Variants in CHAT observed in about 807,000 individuals in gnomAD.
The protein encoded by CHAT is acetyl CoA:choline O-acetyltransferase.
In CHAT, 61 loss-of-function variants were observed where a neutral mutation model predicts 76.9. That is an observed-to-expected ratio of 0.79 (90% confidence interval 0.65 to 0.98). The LOEUF is 0.98. Among genes scored for constraint, CHAT ranks in the 50% least tolerant of loss-of-function variants. The pLI, the probability that CHAT is intolerant of heterozygous loss-of-function variation, is 0.00. For synonymous variants in CHAT, 407 were observed against 397.4 expected (o/e 1.02, Z -0.29); for missense variants, 946 against 986.9 (o/e 0.96, Z 0.56).
At chr10:49,645,568 G>C (rs1177659513) in intron 7 of CHAT, among the ~76,000 whole-genome samples, 1 of 152,288 alleles carries the variant, frequency 6.6e-6, no homozygotes, top group African/African-American at 2.4e-5. Context: ...GCCCCCAACA[G>C]GTCCTGCCGG....
At position 49,616,594 on chromosome 10, in the gene CHAT, G is replaced by A. The variant is rs777374223; in HGVS notation, c.379G>A (p.Glu127Lys). The change falls in exon 2 of 15, where the codon GAG becomes AAG. Residue 127 changes from glutamate to lysine, a missense_variant. By Grantham distance (56) the Glu-to-Lys change is moderately conservative (BLOSUM62 1). This residue lies in a region of CHAT where 548 missense variants were observed against 516.2 expected (regional missense o/e 1.06). Coordinates refer to ENST00000337653, the MANE Select transcript of CHAT (RefSeq NM_020549.5). ...RKMAAKTPSSEESGLPKLPVP... is the reference protein window; with the variant it reads ...RKMAAKTPSSKESGLPKLPVP... ...GATGGCAGCAAAAACTCCCAGCAGT[G>A]AGGAGTCTGTGAGTGACTTTTGGAG... 1 of 1,607,698 alleles carries A rather than the reference G, an allele frequency of 6.2e-7. No homozygotes were observed. Among genetic ancestry groups the A allele is most frequent in the South Asian group, 1.1e-5 (1 of 90,104 alleles).
At chr10:49,651,852 C>A (rs1247601478) in intron 10 of CHAT, 32 bp from the exon 11 acceptor site, 1 of 1,604,720 alleles carries the variant, frequency 6.2e-7, no homozygotes. Flanking sequence ...GTTTTGCATG[C>A]AATAAAAACA....
chr10:49,636,452 G>A (rs968895432), intron 7 of CHAT, among the ~76,000 whole-genome samples: 1 of 151,976 alleles, frequency 6.6e-6, no homozygotes, highest in Non-Finnish European at 1.5e-5. Flanking sequence ...TATTTGTGAG[G>A]GCCACTGGTC....
chr10:49,664,484 T>C (rs1241345719), intron 14 of CHAT, among the ~76,000 whole-genome samples: 2 of 152,102 alleles, frequency 1.3e-5, no homozygotes, highest in Non-Finnish European at 2.9e-5. Context: ...GGCCCCCAGG[T>C]GAAGTGGAGA....
At chr10:49,648,643 A>G in intron 9 of CHAT, 36 bp downstream of exon 9, 1 of 1,451,150 alleles carries the variant, frequency 6.9e-7, no homozygotes, top group Non-Finnish European at 9.6e-7. Flanking sequence ...TGCTGGGCCC[A>G]AAAAAATGTG....
Position 49,622,108 on chromosome 10 carries a change from G to T in CHAT, c.710G>T (p.Ser237Ile), listed in dbSNP as rs1213730456. ...CCTTCTCCCTGCAGGTTTGCAGCCA[G>T]CCTCATCTCTGGTGTACTCAGCTAC... is the stretch of plus-strand genomic sequence containing the variant. Reference protein sequence around the residue: ...GTDDQLRFAASLISGVLSYKA... With the variant: ...GTDDQLRFAAILISGVLSYKA... Residue 237 changes from serine to isoleucine, a missense_variant, in exon 5 of 15, where the codon AGC becomes ATC. Transcript: ENST00000337653. The T allele has an allele frequency of 6.2e-7, 1 of 1,612,490 alleles. No individual in the cohort carries two copies. Among genetic ancestry groups the T allele is most frequent in the African/African-American group, 1.3e-5 (1 of 74,522 alleles).
At chr10:49,655,361 C>A (rs778319298) in intron 12 of CHAT, 25 bp from the exon 13 acceptor site, 1 of 1,613,844 alleles carries the variant, frequency 6.2e-7, no homozygotes, top group South Asian at 1.1e-5. Context: ...TTAAACCCCG[C>A]GCTGCCTCTG....
chr10:49,622,050 A>AGATGGAAGGAAGAGGGAGGG (rs1838746998), intron 4 of CHAT, 47 bp from the exon 5 acceptor site: 1 of 1,607,008 alleles, frequency 6.2e-7, no homozygotes, highest in Non-Finnish European at 8.5e-7. Flanking sequence ...GGGAGGGAGG[A>AGATGGAAGGAAGAGGGAGGG]AGCCAGGCCC....
intron 7 of CHAT, among the ~76,000 whole-genome samples, chr10:49,633,117 A>G (rs1374654000): frequency 6.6e-6 from 1 of 152,224 alleles, no homozygotes; most frequent in Non-Finnish European, 1.5e-5. Flanking sequence ...AGGTGTGCTG[A>G]GGCCAGTGTG....
At chr10:49,662,526 G>A (rs1840224005) in intron 13 of CHAT, 119 bp from the exon 14 acceptor site, 1 of 1,317,740 alleles carries the variant, frequency 7.6e-7, no homozygotes, top group East Asian at 2.3e-5. Context: ...AGCAGGCACT[G>A]GGTAAGCATG....
intron 13 of CHAT, among the ~76,000 whole-genome samples, chr10:49,657,089 G>A (rs1388057724): frequency 1.3e-5 from 2 of 152,214 alleles, no homozygotes; most frequent in Non-Finnish European, 2.9e-5. Flanking sequence ...CAAACAGTGA[G>A]AGAAGCTTGG....
chr10:49,667,203 A>G lies in CHAT; in HGVS notation c.*2157A>G, dbSNP rs952355799. On this transcript the variant is annotated 3_prime_UTR_variant, in exon 15 of 15. Coordinates refer to ENST00000337653, the MANE Select transcript of CHAT (RefSeq NM_020549.5). ...ATGTCTAAAAGACACAGGGGCCAGG[A>G]GAGAAAAGGGAGGAAAGAACTAAGT... Among the ~76,000 whole-genome samples, 30 of 152,192 alleles carry G rather than the reference A, an allele frequency of 2.0e-4. No homozygotes were observed. The highest frequency in any genetic ancestry group is 7.0e-4 in the African/African-American group (29 of 41,452).
At chr10:49,614,535 C>A in intron 1 of CHAT, 60 bp downstream of exon 1, 4 of 1,055,684 alleles carry the variant, frequency 3.8e-6, no homozygotes, top group South Asian at 2.7e-5. Context: ...GGGCGGCGGT[C>A]GGGGGCTCTA....
chr10:49,612,660 A>C, upstream of CHAT: 1 of 332,596 alleles, frequency 3.0e-6, no homozygotes. Flanking sequence ...CCCAGTGCCA[A>C]ACTTGGGCCG....
chr10:49,660,896 G>A (rs1840173646), intron 13 of CHAT, among the ~76,000 whole-genome samples: 1 of 152,192 alleles, frequency 6.6e-6, no homozygotes, highest in African/African-American at 2.4e-5. Flanking sequence ...TAACTGGTAA[G>A]CATATTTGCC....
At chr10:49,620,643 C>G (rs1838672804) in intron 4 of CHAT, 30 bp downstream of exon 4, 1 of 1,555,976 alleles carries the variant, frequency 6.4e-7, no homozygotes, top group African/African-American at 1.4e-5. Flanking sequence ...AGCTCATAAC[C>G]TGGGGACCCA....
At chr10:49,633,600 C>T (rs1202134414) in intron 7 of CHAT, among the ~76,000 whole-genome samples, 2 of 152,198 alleles carry the variant, frequency 1.3e-5, no homozygotes, top group African/African-American at 2.4e-5. Flanking sequence ...ACCTCCCTCC[C>T]CACTGCCTCG....
At chr10:49,614,622 G>T (rs1838415026) in intron 1 of CHAT, 147 bp downstream of exon 1, 2 of 726,560 alleles carry the variant, frequency 2.8e-6, no homozygotes, top group East Asian at 5.5e-5. Context: ...CGGCCGTCGG[G>T]GGTCAGCTAG....
intron 5 of CHAT, among the ~76,000 whole-genome samples, chr10:49,624,905 G>A (rs902251201): frequency 2.0e-5 from 3 of 151,920 alleles, no homozygotes; most frequent in African/African-American, 7.3e-5. Flanking sequence ...AGTGGGTGGT[G>A]GGTGGAAGGA....
Sources: allele counts gnomAD v4.1 joint callset (sites outside exome capture counted in the v4.1 genomes callset), GRCh38; gene constraint gnomAD v4.1.1; regional missense constraint gnomAD v4.1.1; transcripts MANE v1.5; gene names NCBI Gene and HGNC (gene_info 2026-07-23, HGNC 2026-07-21).